UACA: variants seen among roughly 807,000 people sequenced by gnomAD.
UACA encodes the protein nuclear membrane binding protein.
In UACA, 112 loss-of-function variants were observed where a neutral mutation model predicts 160.5. That is an observed-to-expected ratio of 0.70 (90% CI 0.60 to 0.82). The LOEUF (loss-of-function observed/expected upper bound fraction) is 0.82, where lower values mean the gene tolerates loss of function less well. Among genes scored for constraint, UACA ranks in the 40% least tolerant of loss-of-function variants. The probability of loss-of-function intolerance (pLI) is 0.00; values close to 1 mark genes in which losing one functional copy is unlikely to be tolerated. For missense variants in UACA, 1,574 were observed against 1,614.6 expected, an observed-to-expected ratio of 0.97 and a Z score of 0.43; for synonymous variants, 557 against 568.4, an observed-to-expected ratio of 0.98 and a Z score of 0.29.
At chr15:70,765,973 TATC>T (rs2031000862), upstream of UACA, among the ~76,000 whole-genome samples, 2 of 152,256 alleles carry the variant, frequency 1.3e-5, no homozygotes, top group Admixed American at 6.5e-5. Context: ...ACATCCAAGT[TATC>T]ATAGTCCTGG....
At chr15:70,662,390 T>C (rs543645301) in intron 17 of UACA, among the ~76,000 whole-genome samples, 1 of 152,114 alleles carries the variant, frequency 6.6e-6, no homozygotes, top group South Asian at 2.1e-4. Flanking sequence ...GAACATTCCA[T>C]GCTCATGGGT....
At chr15:70,777,618 C>T in the UACA span, among the ~76,000 whole-genome samples, 13 of 152,214 alleles carry the variant, frequency 8.5e-5, no homozygotes, top group Non-Finnish European at 1.8e-4. Context: ...TCAGCTGTGT[C>T]ACTGCTGCTA....
At chr15:70,721,363 C>A (rs906591948) in intron 1 of UACA, among the ~76,000 whole-genome samples, 1 of 152,170 alleles carries the variant, frequency 6.6e-6, no homozygotes, top group South Asian at 2.1e-4. Context: ...CGGTGGCTCA[C>A]GCCTGTAATC....
the UACA span, among the ~76,000 whole-genome samples, chr15:70,774,578 A>G: frequency 6.6e-6 from 1 of 151,744 alleles, no homozygotes; most frequent in East Asian, 1.9e-4. Context: ...GCAGTTGTCC[A>G]TGAAATGGGA....
At chr15:70,772,429 C>T in the UACA span, among the ~76,000 whole-genome samples, 1 of 139,458 alleles carries the variant, frequency 7.2e-6, no homozygotes, top group Non-Finnish European at 1.5e-5. Flanking sequence ...GGAGGCGGGG[C>T]TTGCAGTGAG....
At chr15:70,714,139 C>G (rs1427970621) in intron 1 of UACA, among the ~76,000 whole-genome samples, 1 of 152,150 alleles carries the variant, frequency 6.6e-6, no homozygotes, top group Non-Finnish European at 1.5e-5. Flanking sequence ...AAACAGCAGA[C>G]AGCAAAGCTT....
In UACA at chr15:70,687,804, A is replaced by G. The variant is rs201525940; in HGVS notation, c.441T>C (p.Pro147=). 9.3e-6 allele frequency: 15 copies of G among 1,613,774 alleles called. No homozygotes were observed. The East Asian group carries it at 2.9e-4, about 31-fold the overall frequency. ...ALHDAAMADC[P]SSIQLLCDHG... is the part of the protein sequence containing the mutation. ...GGTCACAAAGCAGCTGTATGCTAGA[A>G]GGACAATCTGCCATTGCTTTAAGGA... Residue 147 remains proline, a synonymous_variant, in exon 6 of 19, where the codon CCT becomes CCC. Coordinates refer to ENST00000322954, the MANE Select transcript of UACA (RefSeq NM_018003.4).
chr15:70,667,135 T>C lies in UACA; in HGVS notation c.3549A>G (p.Ile1183Met). 6.2e-7 allele frequency: 1 copy of C among 1,613,662 alleles called. No individual in the cohort carries two copies. Among genetic ancestry groups the C allele is most frequent in the Non-Finnish European group, 8.5e-7 (1 of 1,179,956 alleles). ...CTTCCTTTTCTCTCAAGCTGGCTTT[T>C]ATGATTCCAACTTCTTTCTCAAATG... ...KEAFEKEVGI[I>M]KASLREKEEE... The change falls in exon 16 of 19, where the codon ATA becomes ATG. Residue 1183 changes from isoleucine to methionine, a missense_variant. Ile to Met is a conservative substitution (Grantham distance 10, BLOSUM62 1). Coordinates refer to ENST00000322954, the MANE Select transcript of UACA (RefSeq NM_018003.4).
In UACA at chr15:70,754,146, G is replaced by T. The variant is rs551992973; in HGVS notation, c.78+9184C>A. On this transcript the variant is annotated intron_variant, in intron 1 of 18. Transcript: ENST00000322954. ...ACAATGAACATGTATGACTTTTGTG[G>T]GACAGTCATTTATCCTAACTGGTTG... 3.6e-4 allele frequency: 164 copies of T among 455,874 alleles called. 2 individuals are homozygous for T. The highest frequency in any genetic ancestry group is 6.5e-4 in the Middle Eastern group (2 of 3,070). The allele number at this position is 455,874 out of a possible 1,614,324, so 28.2% of individuals were successfully genotyped here.
intron 1 of UACA, among the ~76,000 whole-genome samples, chr15:70,762,044 C>CT (rs200284571): frequency 3.9e-5 from 6 of 152,006 alleles, no homozygotes; most frequent in Non-Finnish European, 8.8e-5. Flanking sequence ...CTGCCAGTTA[C>CT]TTTTTTTAAA....
intron 13 of UACA, among the ~76,000 whole-genome samples, chr15:70,673,632 T>G (rs1457499470): frequency 6.6e-6 from 1 of 152,250 alleles, no homozygotes; most frequent in Non-Finnish European, 1.5e-5. Flanking sequence ...TTATCTCTAT[T>G]ACTCAAATGA....
rs1160440518 is a variant in UACA at position 70,687,736 on chromosome 15, A to G, written c.495+14T>C. The G allele has an allele frequency of 2.5e-6, 4 of 1,613,606 alleles. No homozygotes were observed. In the East Asian group the frequency reaches 8.9e-5, roughly 36 times the overall value. On this transcript the variant is annotated intron_variant, in intron 6 of 18. Transcript: ENST00000322954. The stretch of plus-strand genomic sequence containing the variant: ...TGCATGAGTTGAAATGAGAATAAAC[A>G]TAAACTAACTTACTACATCTTTGGC...
intron 14 of UACA, chr15:70,671,676 A>G: frequency 4.4e-6 from 1 of 228,652 alleles, no homozygotes; most frequent in Non-Finnish European, 8.4e-6. Context: ...CCTAAATATC[A>G]CAAGACAAAT....
At chr15:70,750,851 C>A (rs1380157544) in intron 1 of UACA, among the ~76,000 whole-genome samples, 1 of 152,138 alleles carries the variant, frequency 6.6e-6, no homozygotes, top group African/African-American at 2.4e-5. Context: ...GGTCACCCTG[C>A]AGATTGGTGT....
chr15:70,666,639 T>C (rs1436787682), intron 16 of UACA, 85 bp downstream of exon 16: 79 of 1,129,830 alleles, frequency 7.0e-5, no homozygotes, highest in Non-Finnish European at 7.8e-5. Flanking sequence ...TTAATACCTG[T>C]GTCTACTTTC....
At chr15:70,769,338 CAA>C in the UACA span, among the ~76,000 whole-genome samples, 5 of 77,698 alleles carry the variant, frequency 6.4e-5, no homozygotes, top group South Asian at 1.9e-3. Context: ...GACTCCGACT[CAA>C]AAAAAAAAAA....
At chr15:70,709,507 T>C (rs1170704706) in intron 1 of UACA, among the ~76,000 whole-genome samples, 1 of 152,204 alleles carries the variant, frequency 6.6e-6, no homozygotes, top group East Asian at 1.9e-4. Context: ...AAAATTTGAA[T>C]TTGAAAAGTA....
At chr15:70,746,436 A>G (rs1216609614) in intron 1 of UACA, among the ~76,000 whole-genome samples, 1 of 152,158 alleles carries the variant, frequency 6.6e-6, no homozygotes, top group African/African-American at 2.4e-5. Flanking sequence ...CCACAATGAG[A>G]TACCATCTCA....
In UACA at chr15:70,687,514, T is replaced by A. The variant is rs555857771; in HGVS notation, c.602+26A>T. On this transcript the variant is annotated intron_variant, in intron 7 of 18. Coordinates refer to ENST00000322954, the MANE Select transcript of UACA (RefSeq NM_018003.4). ...TCCATCCCTGTGTATCCAGCTGGTA[T>A]CTGGGAGCCATGATAAAAGAATTAC... The A allele has an allele frequency of 1.3e-5, 21 of 1,606,034 alleles. No homozygotes were observed. The South Asian group carries it at 2.2e-4, about 17-fold the overall frequency.
Sources: allele counts gnomAD v4.1 joint callset (sites outside exome capture counted in the v4.1 genomes callset), GRCh38; gene constraint gnomAD v4.1.1; transcripts MANE v1.5; gene names NCBI Gene and HGNC (gene_info 2026-07-23, HGNC 2026-07-21).